Variants in ZNF710 observed in about 807,000 individuals in gnomAD.
ZNF710 encodes zinc finger protein 710.
Under a neutral mutation model 50.6 loss-of-function variants are expected in ZNF710, and 13 were observed. The ratio of observed to expected loss-of-function variants is 0.26; its 90% CI spans 0.17 to 0.41. ZNF710 has a LOEUF of 0.41. ZNF710 is among the 10% of genes least tolerant of loss of function. The pLI is 1.00. For missense variants in ZNF710, 721 were observed against 936.6 expected (o/e 0.77, Z 3.01); for synonymous variants, 383 against 397.0 (o/e 0.96, Z 0.42).
chr15:90,045,425 G>A (rs1899428604), intron 1 of ZNF710: 2 of 984,500 alleles, frequency 2.0e-6, no homozygotes, highest in Admixed American at 6.1e-5. Flanking sequence ...GCGGACCTGG[G>A]TAAGGGTGCA....
intron 3 of ZNF710, among the ~76,000 whole-genome samples, chr15:90,073,881 T>G (rs1306645164): frequency 6.7e-6 from 1 of 149,950 alleles, no homozygotes; most frequent in African/African-American, 2.5e-5. Context: ...TCCCAGCTAC[T>G]CGGGAGACTA....
At chr15:90,051,322 C>T (rs547328405) in intron 1 of ZNF710, among the ~76,000 whole-genome samples, 1 of 151,640 alleles carries the variant, frequency 6.6e-6, no homozygotes, top group East Asian at 2.0e-4. Flanking sequence ...CATCATTTCC[C>T]TTATCTCCTT....
intron 1 of ZNF710, among the ~76,000 whole-genome samples, chr15:90,029,810 T>C (rs1277062307): frequency 3.3e-5 from 5 of 151,624 alleles, no homozygotes; most frequent in African/African-American, 9.7e-5. Context: ...AGATGGGGTT[T>C]CACCATGTTG....
At chr15:90,021,249 T>C (rs1898613436) in intron 1 of ZNF710, among the ~76,000 whole-genome samples, 1 of 152,196 alleles carries the variant, frequency 6.6e-6, no homozygotes, top group Admixed American at 6.5e-5. Flanking sequence ...AGAGCCCCGC[T>C]GAAGCGGCTC....
intron 1 of ZNF710, among the ~76,000 whole-genome samples, chr15:90,042,224 C>T (rs1596283563): frequency 6.6e-6 from 1 of 152,008 alleles, no homozygotes; most frequent in Admixed American, 6.6e-5. Flanking sequence ...TTTCCATGCC[C>T]CCCCTTCTCT....
At position 90,047,110 on chromosome 15, in the gene ZNF710, GGGGT is replaced by G. The variant is rs571465336; in HGVS notation, c.-28-19992_-28-19989del. ...TGGCCTAGAGATGAAAGAGGTTCTG[GGGGT>G]GGGTGGGGACAGGACGAGGGTCCGA... On this transcript the variant is annotated intron_variant, in intron 1 of 4. Transcript: ENST00000268154. 1.4e-4 allele frequency among the ~76,000 whole-genome samples: 21 copies of G among 152,230 alleles called. 1 individual carries two copies. In the South Asian group the frequency reaches 4.1e-3, roughly 30 times the overall value.
chr15:90,037,441 G>A (rs1476524530), intron 1 of ZNF710, among the ~76,000 whole-genome samples: 1 of 152,174 alleles, frequency 6.6e-6, no homozygotes, highest in Non-Finnish European at 1.5e-5. Context: ...TCAGCCCCAG[G>A]CCCCTGGACA....
chr15:90,058,067 G>A (rs575658145), intron 1 of ZNF710, among the ~76,000 whole-genome samples: 91 of 152,278 alleles, frequency 6.0e-4, no homozygotes, highest in African/African-American at 2.0e-3. Context: ...AAGCAGAGGC[G>A]TGGCTCCCAG....
chr15:90,004,516 A>C (rs1898090712), intron 1 of ZNF710, among the ~76,000 whole-genome samples: 1 of 152,190 alleles, frequency 6.6e-6, no homozygotes, highest in Non-Finnish European at 1.5e-5. Context: ...TGTTGAAATA[A>C]GGAATCTGTG....
intron 1 of ZNF710, among the ~76,000 whole-genome samples, chr15:90,039,233 T>G (rs551075774): frequency 6.6e-6 from 1 of 151,670 alleles, no homozygotes; most frequent in South Asian, 2.1e-4. Context: ...GAGCTGAGAT[T>G]GTGCCACTGC....
At chr15:90,008,424 G>GTATATACATATATATA (rs1567218324) in intron 1 of ZNF710, among the ~76,000 whole-genome samples, 6 of 126,326 alleles carry the variant, frequency 4.7e-5, no homozygotes, top group African/African-American at 2.3e-4. Flanking sequence ...GTGTGTGTGT[G>GTATATACATATATATA]TGTATATATA....
intron 1 of ZNF710, among the ~76,000 whole-genome samples, chr15:90,017,329 T>G (rs1898482867): frequency 6.6e-6 from 1 of 152,150 alleles, no homozygotes; most frequent in African/African-American, 2.4e-5. Flanking sequence ...TGATGAGAAA[T>G]GCTGTATGGA....
chr15:90,007,537 T>A (rs2151459185), intron 1 of ZNF710, among the ~76,000 whole-genome samples: 1 of 152,176 alleles, frequency 6.6e-6, no homozygotes, highest in South Asian at 2.1e-4. Flanking sequence ...TAAGAATTTG[T>A]CAAATGTCTT....
intron 1 of ZNF710, among the ~76,000 whole-genome samples, chr15:90,041,041 G>GT (rs2151495546): frequency 6.6e-6 from 1 of 152,204 alleles, no homozygotes; most frequent in African/African-American, 2.4e-5. Flanking sequence ...TGTTCTCACT[G>GT]CGTTACTTTT....
chr15:90,014,533 A>T (rs920074212), intron 1 of ZNF710, among the ~76,000 whole-genome samples: 4 of 149,484 alleles, frequency 2.7e-5, no homozygotes, highest in East Asian at 1.9e-4. Flanking sequence ...AAAAAAAAAG[A>T]TGGCATTTAA....
At chr15:90,013,867 C>T (rs965795926) in intron 1 of ZNF710, among the ~76,000 whole-genome samples, 4 of 152,194 alleles carry the variant, frequency 2.6e-5, no homozygotes, top group Admixed American at 2.6e-4. Flanking sequence ...ACAGCGTTCA[C>T]AGGCCACTGT....
At chr15:90,073,855 T>C (rs1161877346) in intron 3 of ZNF710, among the ~76,000 whole-genome samples, 2 of 151,552 alleles carry the variant, frequency 1.3e-5, no homozygotes, top group Admixed American at 6.6e-5. Context: ...CTGGGCGTGG[T>C]GGCACGTGCC....
chr15:90,011,434 GT>G (rs1339152361), intron 1 of ZNF710, among the ~76,000 whole-genome samples: 3 of 152,220 alleles, frequency 2.0e-5, no homozygotes, highest in Non-Finnish European at 4.4e-5. Flanking sequence ...GTAATGTTCA[GT>G]TGGTGTCTAT....
chr15:90,079,001 C>G (rs1900658611), intron 4 of ZNF710, among the ~76,000 whole-genome samples: 1 of 152,146 alleles, frequency 6.6e-6, no homozygotes, highest in African/African-American at 2.4e-5. Flanking sequence ...ATGAACCTAC[C>G]CTGAGTGTTT....
Sources: allele counts gnomAD v4.1 joint callset (sites outside exome capture counted in the v4.1 genomes callset), GRCh38; gene constraint gnomAD v4.1.1; transcripts MANE v1.5; gene names NCBI Gene and HGNC (gene_info 2026-07-23, HGNC 2026-07-21).